Variants in CDH12 observed in about 807,000 individuals in gnomAD.
The protein encoded by CDH12 is cadherin-12.
Under a neutral mutation model 74.1 loss-of-function variants are expected in CDH12, and 41 were observed. The observed-to-expected ratio is 0.55, with a 90% CI of 0.43 to 0.72. The LOEUF is 0.72. Among genes scored for constraint, CDH12 ranks in the 30% least tolerant of loss-of-function variants. The probability of loss-of-function intolerance (pLI) is 0.00; values close to 1 mark genes in which losing one functional copy is unlikely to be tolerated. For missense variants in CDH12, 945 were observed against 977.2 expected (o/e 0.97, Z 0.44); for synonymous variants, 399 against 355.0 (o/e 1.12, Z -1.39).
chr5:22,492,306 T>C (rs1356725829), intron 2 of CDH12, among the ~76,000 whole-genome samples: 10 of 151,476 alleles, frequency 6.6e-5, no homozygotes, highest in South Asian at 6.2e-4. Context: ...GACTTCTTTC[T>C]AGACAAATAC....
At chr5:22,063,221 T>C (rs1741315978) in intron 5 of CDH12, among the ~76,000 whole-genome samples, 1 of 152,164 alleles carries the variant, frequency 6.6e-6, no homozygotes, top group Non-Finnish European at 1.5e-5. Context: ...AACAACATTA[T>C]ACATATAATT....
intron 3 of CDH12, among the ~76,000 whole-genome samples, chr5:22,269,542 C>T (rs564540483): frequency 1.5e-4 from 23 of 152,028 alleles, no homozygotes; most frequent in African/African-American, 5.3e-4. Flanking sequence ...CTTAAATTAG[C>T]CATATTAGAG....
At chr5:21,951,032 C>G (rs1195369879) in intron 6 of CDH12, among the ~76,000 whole-genome samples, 1 of 151,732 alleles carries the variant, frequency 6.6e-6, no homozygotes, top group Non-Finnish European at 1.5e-5. Flanking sequence ...TGTGATCTGC[C>G]AGTCTCAGCC....
At chr5:22,794,092 G>T (rs1164677851) in intron 1 of CDH12, among the ~76,000 whole-genome samples, 2 of 152,016 alleles carry the variant, frequency 1.3e-5, no homozygotes, top group African/African-American at 2.4e-5. Context: ...CCCACATCTG[G>T]CTTGCCATGA....
At chr5:22,647,569 G>A (rs1739511548) in intron 1 of CDH12, among the ~76,000 whole-genome samples, 1 of 151,714 alleles carries the variant, frequency 6.6e-6, no homozygotes, top group Non-Finnish European at 1.5e-5. Flanking sequence ...GTCACAGAGA[G>A]AGAAAGCACT....
At chr5:22,661,172 A>C (rs1740326751) in intron 1 of CDH12, among the ~76,000 whole-genome samples, 1 of 152,230 alleles carries the variant, frequency 6.6e-6, no homozygotes, top group Non-Finnish European at 1.5e-5. Context: ...CAATGAGAAT[A>C]CTTGATCATT....
chr5:21,808,014 T>C (rs1747530252), intron 9 of CDH12, among the ~76,000 whole-genome samples: 1 of 152,126 alleles, frequency 6.6e-6, no homozygotes, highest in Non-Finnish European at 1.5e-5. Context: ...TAGGAGATTA[T>C]GTGGCAAGTG....
intron 1 of CDH12, among the ~76,000 whole-genome samples, chr5:22,731,412 T>C (rs1744426254): frequency 1.3e-5 from 2 of 151,906 alleles, no homozygotes. Flanking sequence ...AAAGTTGATG[T>C]ATATTAAATT....
rs1242754634 is a variant in CDH12, at chr5:21,924,452, G to A, written c.526+50639C>T. On this transcript the variant is annotated intron_variant, in intron 6 of 14. Transcript: ENST00000382254. ...AATCGCCTCCACTCAGGAGGCGGAG[G>A]TTGCAGTGAACTGAGATTGTGCCAT... Among the ~76,000 whole-genome samples, 53 of 152,248 alleles carry A rather than the reference G, an allele frequency of 3.5e-4. 1 individual carries two copies. Among genetic ancestry groups the A allele is most frequent in the Admixed American group, 3.1e-3 (48 of 15,302 alleles).
intron 1 of CDH12, among the ~76,000 whole-genome samples, chr5:22,563,469 G>A (rs1739156837): frequency 6.6e-6 from 1 of 151,912 alleles, no homozygotes; most frequent in African/African-American, 2.4e-5. Flanking sequence ...TATATATTCT[G>A]GTTGTTAATC....
intron 1 of CDH12, among the ~76,000 whole-genome samples, chr5:22,680,651 T>C (rs1741441671): frequency 6.6e-6 from 1 of 152,082 alleles, no homozygotes; most frequent in South Asian, 2.1e-4. Flanking sequence ...ACCATATTTG[T>C]ATTATATGGA....
At chr5:22,578,171 T>G (rs1739889442) in intron 1 of CDH12, among the ~76,000 whole-genome samples, 1 of 152,142 alleles carries the variant, frequency 6.6e-6, no homozygotes, top group Non-Finnish European at 1.5e-5. Flanking sequence ...TCACTTCTAG[T>G]AAAGAATGAT....
intron 3 of CDH12, among the ~76,000 whole-genome samples, chr5:22,311,702 C>CAAA (rs138539518): frequency 1.5e-4 from 14 of 94,674 alleles, no homozygotes; most frequent in African/African-American, 4.5e-4. Context: ...GACTCCATCT[C>CAAA]AAAAAAAAAA....
At chr5:22,371,441 T>A (rs548942358) in intron 3 of CDH12, among the ~76,000 whole-genome samples, 1 of 152,326 alleles carries the variant, frequency 6.6e-6, no homozygotes. Flanking sequence ...ATTTTTAAAT[T>A]TGAAAATAAG....
rs1389956540 is a variant in CDH12 at position 22,618,809 on chromosome 5, T to C, written c.-522-113445A>G. On this transcript the variant is annotated intron_variant, in intron 1 of 14. Coordinates refer to ENST00000382254, the MANE Select transcript of CDH12 (RefSeq NM_004061.5). Reference sequence around the variant, plus strand: ...ATGGGAGGGACCTAGTAGGAGGTAATTGAATCATGGGGGTGGGTATTTCCA... The same window carrying C: ...ATGGGAGGGACCTAGTAGGAGGTAACTGAATCATGGGGGTGGGTATTTCCA... 9.2e-5 allele frequency among the ~76,000 whole-genome samples: 14 copies of C among 152,144 alleles called. 1 individual carries two copies. Among genetic ancestry groups the C allele is most frequent in the African/African-American group, 3.1e-4 (13 of 41,546 alleles).
chr5:22,078,217 T>G (rs2150225052), intron 5 of CDH12, among the ~76,000 whole-genome samples: 1 of 152,244 alleles, frequency 6.6e-6, no homozygotes, highest in African/African-American at 2.4e-5. Flanking sequence ...ACGAAATATA[T>G]ACTATTTTCA....
intron 3 of CDH12, among the ~76,000 whole-genome samples, chr5:22,360,194 A>G (rs1043230369): frequency 6.6e-6 from 1 of 152,154 alleles, no homozygotes; most frequent in Non-Finnish European, 1.5e-5. Context: ...CAAGACTAAT[A>G]AAGAAGAAAA....
At chr5:22,186,142 G>T (rs2150341797) in intron 4 of CDH12, among the ~76,000 whole-genome samples, 1 of 152,296 alleles carries the variant, frequency 6.6e-6, no homozygotes, top group East Asian at 1.9e-4. Context: ...TCTTAATTTT[G>T]TACTGCCTTC....
intron 6 of CDH12, 129 bp from the exon 7 acceptor site, chr5:21,854,919 C>T (rs578234052): frequency 1.5e-6 from 1 of 655,486 alleles, no homozygotes; most frequent in Non-Finnish European, 2.5e-6. Flanking sequence ...TACATGATGT[C>T]ACTGAGGATA....
Sources: gnomAD v4.1 joint callset for allele counts (sites outside exome capture counted in the v4.1 genomes callset) on GRCh38, gnomAD v4.1.1 for gene constraint, MANE v1.5 for transcripts, NCBI Gene and HGNC (gene_info 2026-07-23, HGNC 2026-07-21) for gene names.